Variants in KANK1 observed in about 807,000 individuals in gnomAD.
The protein encoded by KANK1 is KN motif and ankyrin repeat domains 1, also known as KN motif and ankyrin repeat domain-containing protein 1.
Under a neutral mutation model 106.2 loss-of-function variants are expected in KANK1, and 109 were observed. The ratio of observed to expected loss-of-function variants is 1.03; its 90% CI spans 0.88 to 1.20. The LOEUF (loss-of-function observed/expected upper bound fraction) is 1.20. Among genes scored for constraint, KANK1 ranks in the 50% most tolerant of loss-of-function variants. KANK1 has a pLI of 0.00. For missense variants in KANK1, 2,399 were observed against 1,710.7 expected, an observed-to-expected ratio of 1.40 and a Z score of -7.10; for synonymous variants, 873 against 652.2, an observed-to-expected ratio of 1.34 and a Z score of -5.16.
intron 1 of KANK1, among the ~76,000 whole-genome samples, chr9:609,365 C>T (rs559100870): frequency 3.9e-4 from 59 of 152,298 alleles, no homozygotes; most frequent in Admixed American, 4.6e-4. Flanking sequence ...TCGTGGCTCA[C>T]GCCTGTAATC....
intron 1 of KANK1, among the ~76,000 whole-genome samples, chr9:602,577 A>G (rs184455120): frequency 3.3e-5 from 5 of 151,942 alleles, no homozygotes; most frequent in Admixed American, 6.5e-5. Flanking sequence ...TATTTTAATG[A>G]GAATATCTTT....
intron 1 of KANK1, among the ~76,000 whole-genome samples, chr9:657,660 G>T (rs1054803378): frequency 1.3e-5 from 2 of 151,958 alleles, no homozygotes; most frequent in Non-Finnish European, 2.9e-5. Flanking sequence ...TCAGTCTCTG[G>T]TTACAGCTTT....
chr9:517,398 C>G (rs146008628), intron 1 of KANK1, among the ~76,000 whole-genome samples: 2 of 151,726 alleles, frequency 1.3e-5, no homozygotes, highest in South Asian at 2.1e-4. Flanking sequence ...CACTGCGGCC[C>G]GGCTGCAAGC....
Position 745,100 on chromosome 9 carries a change from C to G in KANK1, c.3997-73C>G, listed in dbSNP as rs1373304317. 1.1e-4 allele frequency: 166 copies of G among 1,573,654 alleles called. 2 individuals carry two copies. In the East Asian group the frequency reaches 3.6e-3, roughly 34 times the overall value. On this transcript the variant is annotated intron_variant, in intron 11 of 11. Coordinates refer to ENST00000382297, the MANE Select transcript of KANK1 (RefSeq NM_015158.5). ...CTTGTTGCCTGTGGTGGGCCAAGATCCTATGTCACAGGGTACACATCTGCC... is the reference window on the plus strand; with the variant it reads ...CTTGTTGCCTGTGGTGGGCCAAGATGCTATGTCACAGGGTACACATCTGCC...
intron 1 of KANK1, among the ~76,000 whole-genome samples, chr9:634,498 T>A (rs1406251468): frequency 6.6e-6 from 1 of 152,190 alleles, no homozygotes; most frequent in Non-Finnish European, 1.5e-5. Context: ...TTGCAACCTC[T>A]GGCCACCTGA....
intron 1 of KANK1, among the ~76,000 whole-genome samples, chr9:565,921 C>T (rs1278704993): frequency 2.6e-5 from 4 of 152,136 alleles, no homozygotes; most frequent in Non-Finnish European, 5.9e-5. Context: ...TATGGGTAAA[C>T]TCGTGTCATG....
At chr9:654,838 AG>A (rs1301672580) in intron 1 of KANK1, among the ~76,000 whole-genome samples, 1 of 141,576 alleles carries the variant, frequency 7.1e-6, no homozygotes, top group Non-Finnish European at 1.6e-5. Flanking sequence ...AGAGAGAGAG[AG>A]AGAGAGAGAT....
At chr9:598,481 C>G (rs1189341093) in intron 1 of KANK1, among the ~76,000 whole-genome samples, 1 of 151,342 alleles carries the variant, frequency 6.6e-6, no homozygotes, top group East Asian at 1.9e-4. Context: ...ATTAAGACTT[C>G]CAATCCATGA....
chr9:741,017 A>T (rs12001312), intron 9 of KANK1, 83 bp downstream of exon 9: 1 of 1,491,008 alleles, frequency 6.7e-7, no homozygotes, highest in African/African-American at 1.4e-5. Context: ...CAGAGCAGGC[A>T]TAGATGCCAC....
At chr9:556,349 A>G (rs2061581416) in intron 1 of KANK1, among the ~76,000 whole-genome samples, 1 of 152,194 alleles carries the variant, frequency 6.6e-6, no homozygotes, top group African/African-American at 2.4e-5. Flanking sequence ...AGTGATTCCC[A>G]GGGAAGACTT....
chr9:504,342 C>T (rs1289261022), upstream of KANK1, among the ~76,000 whole-genome samples: 1 of 151,226 alleles, frequency 6.6e-6, no homozygotes, highest in Non-Finnish European at 1.5e-5. Context: ...CGGCGAGGCC[C>T]GCGGGCCAGG....
intron 3 of KANK1, among the ~76,000 whole-genome samples, chr9:474,585 G>A (rs2058074032): frequency 6.6e-6 from 1 of 152,120 alleles, no homozygotes; most frequent in Non-Finnish European, 1.5e-5. Flanking sequence ...TCTTTTCCCT[G>A]TGTCGTTTCT....
intron 3 of KANK1, among the ~76,000 whole-genome samples, chr9:719,026 C>T (rs1828560613): frequency 7.7e-6 from 1 of 129,092 alleles, no homozygotes; most frequent in Admixed American, 9.3e-5. Flanking sequence ...GTGGTGCAAT[C>T]TCAGCTCATC....
chr9:649,991 T>A (rs1274090599), intron 1 of KANK1, among the ~76,000 whole-genome samples: 2 of 152,108 alleles, frequency 1.3e-5, no homozygotes, highest in Non-Finnish European at 2.9e-5. Context: ...CAGTCCTGTG[T>A]TTTTCTGAGC....
At chr9:714,147 T>C (rs1827021269) in intron 3 of KANK1, among the ~76,000 whole-genome samples, 1 of 152,074 alleles carries the variant, frequency 6.6e-6, no homozygotes, top group Admixed American at 6.6e-5. Context: ...GTGAAGATAG[T>C]GTGAACAAAA....
intron 1 of KANK1, among the ~76,000 whole-genome samples, chr9:674,593 C>T (rs1399543523): frequency 1.3e-5 from 2 of 152,228 alleles, no homozygotes; most frequent in African/African-American, 4.8e-5. Flanking sequence ...TTTCTGACCC[C>T]TTATAATCTT....
intron 1 of KANK1, among the ~76,000 whole-genome samples, chr9:587,832 A>C (rs767694538): frequency 9.9e-5 from 15 of 152,206 alleles, no homozygotes; most frequent in Non-Finnish European, 2.1e-4. Context: ...TTAGGAGGCC[A>C]AGGCAGGCAG....
intron 1 of KANK1, among the ~76,000 whole-genome samples, chr9:624,043 T>C (rs1833801704): frequency 6.6e-6 from 1 of 152,136 alleles, no homozygotes; most frequent in Non-Finnish European, 1.5e-5. Flanking sequence ...AGAATAATAT[T>C]TAGCCATAAA....
chr9:530,435 T>TGGCTACTGGTTTTCCCAGTC (rs1379681089), intron 1 of KANK1, among the ~76,000 whole-genome samples: 2 of 152,212 alleles, frequency 1.3e-5, no homozygotes, highest in Admixed American at 6.5e-5. Context: ...TTTTCCCAGA[T>TGGCTACTGGTTTTCCCAGTC]GGCTACTGGT....
Sources: allele counts gnomAD v4.1 joint callset (sites outside exome capture counted in the v4.1 genomes callset), GRCh38; gene constraint gnomAD v4.1.1; transcripts MANE v1.5; gene names NCBI Gene and HGNC (gene_info 2026-07-23, HGNC 2026-07-21).